Variants in GRIP1 observed in about 807,000 individuals in gnomAD.
The protein encoded by GRIP1 is glutamate receptor-interacting protein 1.
GRIP1 carries 45 observed loss-of-function variants against 129.9 expected under a neutral mutation model. The ratio of observed to expected loss-of-function variants is 0.35; its 90% CI spans 0.27 to 0.44. GRIP1 has a LOEUF of 0.44. Ranked by LOEUF, GRIP1 falls within the 20% of genes least tolerant of loss-of-function variation. The pLI, the probability that GRIP1 is intolerant of heterozygous loss-of-function variation, is 1.00. For synonymous variants in GRIP1, 530 were observed against 520.8 expected, an observed-to-expected ratio of 1.02 and a Z score of -0.24; for missense variants, 1,196 against 1,396.8, an observed-to-expected ratio of 0.86 and a Z score of 2.29.
chr12:66,440,969 C>T (rs147915540), intron 13 of GRIP1, among the ~76,000 whole-genome samples: 26 of 152,324 alleles, frequency 1.7e-4, no homozygotes, highest in African/African-American at 5.5e-4. Context: ...GGTGTCCAGT[C>T]TCTTTCATCC....
intron 11 of GRIP1, among the ~76,000 whole-genome samples, chr12:66,450,870 AT>A (rs1051335455): frequency 1.3e-5 from 2 of 152,236 alleles, no homozygotes. Context: ...GGAGAAAAAA[AT>A]GAGCTTGATT....
intron 1 of GRIP1, among the ~76,000 whole-genome samples, chr12:66,720,217 A>G (rs2036018455): frequency 6.6e-6 from 1 of 152,188 alleles, no homozygotes; most frequent in Admixed American, 6.6e-5. Flanking sequence ...TGCTTACACT[A>G]CACTGTAGTC....
At chr12:66,426,026 G>C (rs940261858) in intron 14 of GRIP1, among the ~76,000 whole-genome samples, 4 of 152,050 alleles carry the variant, frequency 2.6e-5, no homozygotes, top group African/African-American at 4.8e-5. Flanking sequence ...TTTGATTATT[G>C]TTTGTATTAT....
intron 1 of GRIP1, among the ~76,000 whole-genome samples, chr12:66,800,564 G>T (rs2038829284): frequency 1.3e-5 from 2 of 152,102 alleles, no homozygotes; most frequent in South Asian, 4.1e-4. Flanking sequence ...ATATTATCCG[G>T]TGTGGCTAAA....
At chr12:66,792,267 T>C (rs2038563356) in intron 1 of GRIP1, among the ~76,000 whole-genome samples, 1 of 152,304 alleles carries the variant, frequency 6.6e-6, no homozygotes, top group Admixed American at 6.5e-5. Flanking sequence ...TCTTTCTTTT[T>C]TCTTTTTTGC....
chr12:66,709,061 T>A (rs2035629385), intron 1 of GRIP1, among the ~76,000 whole-genome samples: 1 of 151,218 alleles, frequency 6.6e-6, no homozygotes, highest in African/African-American at 2.4e-5. Flanking sequence ...AAATGAAAAA[T>A]AAGATAAAAG....
At chr12:66,533,884 C>T (rs1341837365) in intron 4 of GRIP1, among the ~76,000 whole-genome samples, 2 of 130,458 alleles carry the variant, frequency 1.5e-5, no homozygotes, top group South Asian at 2.6e-4. Flanking sequence ...CACACATACA[C>T]ACACTCTCTC....
chr12:66,607,048 CAT>C (rs1468447493), intron 1 of GRIP1, among the ~76,000 whole-genome samples: 3 of 151,952 alleles, frequency 2.0e-5, no homozygotes, highest in African/African-American at 7.3e-5. Flanking sequence ...TGCACGCGCA[CAT>C]GTGTGTATAA....
chr12:66,859,116 A>G (rs1365613626), intron 1 of GRIP1, among the ~76,000 whole-genome samples: 1 of 151,924 alleles, frequency 6.6e-6, no homozygotes, highest in South Asian at 2.1e-4. Context: ...TATGAGCCAT[A>G]TGAAGGAATG....
At chr12:66,569,119 G>T in intron 2 of GRIP1, 1 of 226,162 alleles carries the variant, frequency 4.4e-6, no homozygotes, top group East Asian at 1.6e-4. Context: ...TTCTTTCTCT[G>T]CTTATTATCT....
intron 1 of GRIP1, among the ~76,000 whole-genome samples, chr12:67,048,885 G>A (rs978974452): frequency 2.6e-5 from 4 of 152,158 alleles, no homozygotes; most frequent in African/African-American, 4.8e-5. Context: ...CCCCAGCCAC[G>A]TGGAACTGTA....
chr12:67,046,087 G>A (rs944332371), intron 1 of GRIP1, among the ~76,000 whole-genome samples: 7 of 152,188 alleles, frequency 4.6e-5, no homozygotes, highest in Non-Finnish European at 1.0e-4. Context: ...AGAGAATACA[G>A]CTGCCATTTT....
intron 4 of GRIP1, among the ~76,000 whole-genome samples, chr12:66,531,095 C>A (rs989138551): frequency 1.3e-5 from 2 of 151,560 alleles, no homozygotes; most frequent in South Asian, 4.2e-4. Context: ...ATCAGCTGGG[C>A]GTGGTGGAAG....
chr12:66,733,461 T>C (rs2036501908), intron 1 of GRIP1, among the ~76,000 whole-genome samples: 1 of 152,100 alleles, frequency 6.6e-6, no homozygotes, highest in Non-Finnish European at 1.5e-5. Flanking sequence ...AGCTGGGATG[T>C]AACTCTTTCC....
At chr12:66,524,921 A>G (rs1226132572) in intron 5 of GRIP1, among the ~76,000 whole-genome samples, 1 of 152,242 alleles carries the variant, frequency 6.6e-6, no homozygotes, top group Non-Finnish European at 1.5e-5. Context: ...AATAAACTAG[A>G]AAATCTAGAA....
chr12:66,551,442 G>C (rs1157938770), intron 2 of GRIP1, among the ~76,000 whole-genome samples: 1 of 152,132 alleles, frequency 6.6e-6, no homozygotes, highest in East Asian at 1.9e-4. Flanking sequence ...TTTACTTGCA[G>C]TATTACTGTT....
intron 1 of GRIP1, among the ~76,000 whole-genome samples, chr12:66,865,247 AAC>A (rs1566057099): frequency 6.6e-6 from 1 of 152,172 alleles, no homozygotes; most frequent in Non-Finnish European, 1.5e-5. Context: ...TACCAGCAGA[AAC>A]AGAGTTGGCT....
intron 1 of GRIP1, among the ~76,000 whole-genome samples, chr12:66,997,868 C>T (rs1047277846): frequency 6.6e-6 from 1 of 152,094 alleles, no homozygotes; most frequent in Admixed American, 6.5e-5. Flanking sequence ...TTGTTAATCA[C>T]ATCACACAGC....
intron 1 of GRIP1, among the ~76,000 whole-genome samples, chr12:66,893,501 G>C (rs2040696172): frequency 6.6e-6 from 1 of 152,132 alleles, no homozygotes; most frequent in Non-Finnish European, 1.5e-5. Flanking sequence ...GCCTCCCAAA[G>C]TGCTGGGAAT....
Sources: allele counts gnomAD v4.1 joint callset (sites outside exome capture counted in the v4.1 genomes callset), GRCh38; gene constraint gnomAD v4.1.1; transcripts MANE v1.5; gene names NCBI Gene and HGNC (gene_info 2026-07-23, HGNC 2026-07-21).